Variants in CCDC7 observed in about 807,000 individuals in gnomAD.
CCDC7 encodes the protein coiled-coil domain-containing protein 7.
CCDC7 carries 183 observed loss-of-function variants against 196.9 expected under a neutral mutation model. That is an observed-to-expected ratio of 0.93 (90% CI 0.82 to 1.05). The LOEUF (loss-of-function observed/expected upper bound fraction) is 1.05, where lower values mean the gene tolerates loss of function less well. CCDC7 is among the 50% of genes least tolerant of loss of function. The pLI, the probability that CCDC7 is intolerant of heterozygous loss-of-function variation, is 0.00. For missense variants in CCDC7, 1,540 were observed against 1,482.2 expected (o/e 1.04, Z -0.64); for synonymous variants, 525 against 484.6 (o/e 1.08, Z -1.10).
intron 24 of CCDC7, among the ~76,000 whole-genome samples, chr10:32,698,871 T>C (rs2078166224): frequency 6.6e-6 from 1 of 152,082 alleles, no homozygotes; most frequent in South Asian, 2.1e-4. Context: ...AAGTTACTCC[T>C]CGAGAAGAGC....
intron 21 of CCDC7, among the ~76,000 whole-genome samples, chr10:32,671,411 T>C (rs1248868473): frequency 6.6e-6 from 1 of 152,130 alleles, no homozygotes; most frequent in African/African-American, 2.4e-5. Flanking sequence ...ATCATATAAC[T>C]TAGGTGTGTA....
At chr10:32,472,631 G>T (rs1410574973) in intron 7 of CCDC7, 89 bp downstream of exon 8, 2 of 1,212,910 alleles carry the variant, frequency 1.6e-6, no homozygotes, top group African/African-American at 3.1e-5. Flanking sequence ...GTCTCACTCT[G>T]TCACCCATGC....
intron 28 of CCDC7, among the ~76,000 whole-genome samples, chr10:32,757,460 G>A (rs1042468494): frequency 2.6e-5 from 4 of 152,144 alleles, no homozygotes; most frequent in East Asian, 3.8e-4. Flanking sequence ...ACTCAAAACC[G>A]CCCAGCTACA....
At chr10:32,595,891 C>T (rs1427968397) in intron 18 of CCDC7, among the ~76,000 whole-genome samples, 1 of 152,170 alleles carries the variant, frequency 6.6e-6, no homozygotes, top group Non-Finnish European at 1.5e-5. Flanking sequence ...ATTTTGGTTG[C>T]TCTGTGGTCT....
intron 18 of CCDC7, among the ~76,000 whole-genome samples, chr10:32,590,688 A>G (rs1263563476): frequency 6.6e-6 from 1 of 152,152 alleles, no homozygotes; most frequent in African/African-American, 2.4e-5. Context: ...AAAATCCCTC[A>G]GCTTTTGTTT....
intron 18 of CCDC7, among the ~76,000 whole-genome samples, chr10:32,611,664 T>A (rs1354593199): frequency 6.6e-6 from 1 of 152,210 alleles, no homozygotes; most frequent in East Asian, 1.9e-4. Context: ...TCAGCATCAT[T>A]TATTAAATAG....
At chr10:32,656,116 A>G (rs1402318818) in intron 20 of CCDC7, among the ~76,000 whole-genome samples, 2 of 152,148 alleles carry the variant, frequency 1.3e-5, no homozygotes, top group Non-Finnish European at 2.9e-5. Flanking sequence ...TGCTAAGACC[A>G]ATGTCAGGGA....
intron 8 of CCDC7, among the ~76,000 whole-genome samples, chr10:32,484,484 T>G (rs577726416): frequency 2.6e-5 from 4 of 152,318 alleles, no homozygotes; most frequent in South Asian, 4.1e-4. Flanking sequence ...TCAATACCCT[T>G]TATTTCTTTC....
chr10:32,584,550 G>A (rs1372839834), intron 18 of CCDC7, among the ~76,000 whole-genome samples: 4 of 151,584 alleles, frequency 2.6e-5, no homozygotes, highest in Non-Finnish European at 4.4e-5. Flanking sequence ...GAGGTCAGGA[G>A]TTCGAGCCCA....
chr10:32,759,292 C>A (rs1437101820), intron 28 of CCDC7, among the ~76,000 whole-genome samples: 1 of 152,142 alleles, frequency 6.6e-6, no homozygotes, highest in Non-Finnish European at 1.5e-5. Flanking sequence ...CCAAGTCAAT[C>A]CTAAGCCAAA....
chr10:32,519,487 A>T (rs184785181), intron 11 of CCDC7, among the ~76,000 whole-genome samples: 194 of 152,190 alleles, frequency 1.3e-3, no homozygotes, highest in Admixed American at 2.7e-3. Context: ...TCAATATATG[A>T]TCTAGGATAC....
intron 9 of CCDC7, among the ~76,000 whole-genome samples, chr10:32,493,547 T>C (rs2042457382): frequency 1.3e-5 from 2 of 151,840 alleles, no homozygotes; most frequent in African/African-American, 2.4e-5. Flanking sequence ...CCTTTAGATG[T>C]ATACTCAGAA....
At chr10:32,644,457 CT>C (rs2067395182) in intron 20 of CCDC7, among the ~76,000 whole-genome samples, 1 of 152,112 alleles carries the variant, frequency 6.6e-6, no homozygotes, top group South Asian at 2.1e-4. Context: ...GTTTGTCTTT[CT>C]TGCCTGGCTT....
At chr10:32,468,584 T>C (rs2037320656) in intron 5 of CCDC7, among the ~76,000 whole-genome samples, 1 of 152,224 alleles carries the variant, frequency 6.6e-6, no homozygotes, top group Non-Finnish European at 1.5e-5. Context: ...CTTTCTCTTG[T>C]CTGATAGCTC....
intron 29 of CCDC7, among the ~76,000 whole-genome samples, chr10:32,798,330 G>C (rs2084050775): frequency 6.6e-6 from 1 of 152,178 alleles, no homozygotes; most frequent in South Asian, 2.1e-4. Context: ...GATCAGCCTT[G>C]GTGAGTGGAA....
At chr10:32,844,358 T>A (rs543523911) in intron 33 of CCDC7, among the ~76,000 whole-genome samples, 1 of 152,024 alleles carries the variant, frequency 6.6e-6, no homozygotes, top group East Asian at 1.9e-4. Flanking sequence ...AAAGTCACAT[T>A]TTCATATTCC....
At chr10:32,701,048 TC>T (rs1205104028) in intron 24 of CCDC7, among the ~76,000 whole-genome samples, 4 of 152,170 alleles carry the variant, frequency 2.6e-5, no homozygotes, top group Non-Finnish European at 5.9e-5. Context: ...ATCCTTTATT[TC>T]CTTCTCCTGC....
At chr10:32,802,701 G>A (rs1012167702) in intron 29 of CCDC7, among the ~76,000 whole-genome samples, 7 of 152,166 alleles carry the variant, frequency 4.6e-5, no homozygotes, top group Admixed American at 6.5e-5. Flanking sequence ...CAAAAGTAGG[G>A]AAGCTGACAG....
intron 25 of CCDC7, among the ~76,000 whole-genome samples, chr10:32,723,465 G>A (rs1423030721): frequency 6.6e-6 from 1 of 152,088 alleles, no homozygotes; most frequent in Non-Finnish European, 1.5e-5. Flanking sequence ...TACCACCGGG[G>A]TGGCTAACAG....
Sources: gnomAD v4.1 joint callset for allele counts (sites outside exome capture counted in the v4.1 genomes callset) on GRCh38, gnomAD v4.1.1 for gene constraint, MANE v1.5 for transcripts, NCBI Gene and HGNC (gene_info 2026-07-23, HGNC 2026-07-21) for gene names.